VCP: variants seen among roughly 807,000 people sequenced by gnomAD.
The protein encoded by VCP is transitional endoplasmic reticulum ATPase.
A neutral mutation model predicts 85.7 loss-of-function variants in VCP; 6 were observed. The ratio of observed to expected loss-of-function variants is 0.07; its 90% CI spans 0.04 to 0.14. The LOEUF is 0.14. Among genes scored for constraint, VCP ranks in the 10% least tolerant of loss-of-function variants. The pLI is 1.00. For synonymous variants in VCP, 384 were observed against 367.1 expected, an observed-to-expected ratio of 1.05 and a Z score of -0.53; for missense variants, 353 against 1,043.4, an observed-to-expected ratio of 0.34 and a Z score of 9.12.
intron 1 of VCP, among the ~76,000 whole-genome samples, chr9:35,069,688 G>A (rs546756719): frequency 6.6e-6 from 1 of 152,196 alleles, no homozygotes; most frequent in African/African-American, 2.4e-5. Context: ...CTGACCTCAG[G>A]TGATCTGCCC....
chr9:35,060,280 A>C (rs867830225), intron 13 of VCP, 33 bp downstream of exon 13: 1 of 1,610,604 alleles, frequency 6.2e-7, no homozygotes, highest in South Asian at 1.1e-5. Flanking sequence ...CCCTCAGGCA[A>C]ATCAATACAT....
Position 35,060,643 on chromosome 9 carries a change from C to T in VCP, c.1483-118G>A, listed in dbSNP as rs536728418. On this transcript the variant is annotated intron_variant, in intron 12 of 16. Transcript: ENST00000358901. ...TACCCAATGGTATCAGATCCAGGTT[C>T]TCTAGAAGAAGACTCCTTAGTGCCT... 15 of 1,521,796 alleles carry T rather than the reference C, an allele frequency of 9.9e-6. 1 individual carries two copies. The East Asian group carries it at 2.5e-4, about 25-fold the overall frequency. The allele number at this position is 1,521,796 out of a possible 1,614,324, so 94.3% of individuals were successfully genotyped here. A position where few individuals can be genotyped will look rare whatever the true frequency, so the allele number is the denominator to read the frequency against.
intron 1 of VCP, chr9:35,071,907 C>G (rs1828955866): frequency 2.0e-6 from 2 of 1,002,894 alleles, no homozygotes; most frequent in South Asian, 4.1e-5. Context: ...CGGCTGGGGC[C>G]TCGGGCTCGC....
intron 1 of VCP, chr9:35,071,808 C>G: frequency 1.0e-6 from 1 of 989,792 alleles, no homozygotes; most frequent in Non-Finnish European, 1.2e-6. Context: ...CTTCCCTGAG[C>G]TCGGCGGGCC....
intron 4 of VCP, among the ~76,000 whole-genome samples, chr9:35,065,694 A>C (rs1828815062): frequency 6.6e-6 from 1 of 152,100 alleles, no homozygotes; most frequent in Admixed American, 6.6e-5. Flanking sequence ...AGAACTGTGC[A>C]CTCTGGACCC....
At chr9:35,061,312 C>A (rs1480128024) in intron 10 of VCP, 133 bp from the exon 11 acceptor site, 1 of 1,261,214 alleles carries the variant, frequency 7.9e-7, no homozygotes, top group African/African-American at 1.5e-5. Flanking sequence ...CTATCAATAC[C>A]TTTATGGGCT....
chr9:35,072,453 G>T lies in VCP; in HGVS notation c.-100C>A. 7.4e-7 allele frequency: 1 copy of T among 1,352,836 alleles called. No individual in the cohort carries two copies. The highest frequency in any genetic ancestry group is 9.5e-7 in the Non-Finnish European group (1 of 1,048,556). 83.8% of individuals were successfully genotyped at this position (1,352,836 alleles called of 1,614,324 possible). A position where few individuals can be genotyped will look rare whatever the true frequency, so the allele number is the denominator to read the frequency against. On this transcript the variant is annotated 5_prime_UTR_variant, in exon 1 of 17. Transcript: ENST00000358901. ...GGGCCGGGGCTCGGCTCTTCCAGGCGGTGGGCGAGCAGCGGCGACAAACCC... is the reference window on the plus strand; with the variant it reads ...GGGCCGGGGCTCGGCTCTTCCAGGCTGTGGGCGAGCAGCGGCGACAAACCC...
intron 15 of VCP, among the ~76,000 whole-genome samples, chr9:35,058,793 A>T (rs568166937): frequency 9.7e-6 from 1 of 102,648 alleles, no homozygotes; most frequent in East Asian, 2.3e-4. Context: ...ACAAAAAACA[A>T]AAAAAACCTT....
chr9:35,066,413 G>A (rs569660297), intron 4 of VCP, among the ~76,000 whole-genome samples: 2 of 151,458 alleles, frequency 1.3e-5, no homozygotes, highest in Admixed American at 6.6e-5. Context: ...AGGTGCCCAC[G>A]ATGGGGTTTC....
chr9:35,059,486 C>T lies in VCP; in HGVS notation c.2004+7G>A, dbSNP rs1296357671. The stretch of plus-strand genomic sequence containing the variant: ...AAGTCTCCCACAGCCCATGATCTTG[C>T]ACCTGCCTTGGCAACTGGGGACTTG... On this transcript the variant is annotated splice_region_variant and intron_variant, in intron 14 of 16. Coordinates refer to ENST00000358901, the MANE Select transcript of VCP (RefSeq NM_007126.5). This position sits in a 1 kb window ranked among gnomAD's most constrained non-coding sequence, Gnocchi z 4.9. The T allele has an allele frequency of 6.2e-7, 1 of 1,613,752 alleles. No homozygotes were observed. The highest frequency in any genetic ancestry group is 8.5e-7 in the Non-Finnish European group (1 of 1,180,036).
chr9:35,060,956 T>C (rs1176129022), intron 11 of VCP, 33 bp from the exon 12 acceptor site: 3 of 1,614,072 alleles, frequency 1.9e-6, no homozygotes, highest in Non-Finnish European at 2.5e-6. Context: ...GGATGAGACT[T>C]ATCAAGGGAG....
At chr9:35,058,679 A>G (rs1828659800) in intron 15 of VCP, among the ~76,000 whole-genome samples, 1 of 152,212 alleles carries the variant, frequency 6.6e-6, no homozygotes, top group Non-Finnish European at 1.5e-5. Context: ...AGGCAGGAGA[A>G]TCGCTTGAAC....
chr9:35,065,392 A>G lies in VCP; in HGVS notation c.446-11T>C, dbSNP rs746343398. ...CAAGAAAAATGTCTCCTGCGAGAGC[A>G]AACAGTACAAGCACAGTTAGAGGTG... On this transcript the variant is annotated splice_polypyrimidine_tract_variant and intron_variant, in intron 4 of 16. Coordinates refer to ENST00000358901, the MANE Select transcript of VCP (RefSeq NM_007126.5). 2 of 1,614,054 alleles carry G rather than the reference A, an allele frequency of 1.2e-6. No homozygotes were observed. The highest frequency in any genetic ancestry group is 1.7e-5 in the Admixed American group (1 of 60,002).
chr9:35,068,943 G>A (rs1211576302), intron 1 of VCP, among the ~76,000 whole-genome samples: 1 of 152,198 alleles, frequency 6.6e-6, no homozygotes, highest in Admixed American at 6.5e-5. Flanking sequence ...ATGATTAACA[G>A]TATAGAGTAA....
chr9:35,061,087 G>A lies in VCP; in HGVS notation c.1287C>T (p.Leu429=). 1 of 1,614,164 alleles carries A rather than the reference G, an allele frequency of 6.2e-7. No individual in the cohort carries two copies. The highest frequency in any genetic ancestry group is 8.5e-7 in the Non-Finnish European group (1 of 1,180,030). ...ALQAIRKKMD[L]IDLEDETIDA... ...CAATGGTCTCATCCTCTAGGTCAAT[G>A]AGATCCATCTTCTTGCGGATGGCTT... The change falls in exon 11 of 17, where the codon CTC becomes CTT. Residue 429 remains leucine, a synonymous_variant. Coordinates refer to ENST00000358901, the MANE Select transcript of VCP (RefSeq NM_007126.5).
intron 12 of VCP, 128 bp downstream of exon 12, chr9:35,060,673 C>CT: frequency 1.3e-6 from 2 of 1,573,624 alleles, no homozygotes; most frequent in Non-Finnish European, 1.7e-6. Flanking sequence ...GTGCCTCAAA[C>CT]CTAAGAACAG....
In VCP at chr9:35,057,132, A is replaced by G. The variant is rs145508640; in HGVS notation, c.2406T>C (p.Asp802=). ...GGSVYTEDND[D]DLYG is the part of the protein sequence containing the mutation. Reference sequence around the variant, plus strand: ...CCACCACCACTTAGCCATACAGGTCATCATCATTGTCTTCTGTGTATACAC... The same window carrying G: ...CCACCACCACTTAGCCATACAGGTCGTCATCATTGTCTTCTGTGTATACAC... Residue 802 remains aspartate (D), a synonymous_variant, in exon 17 of 17, where the codon GAT becomes GAC. Coordinates refer to ENST00000358901, the MANE Select transcript of VCP (RefSeq NM_007126.5). 649 of 1,614,154 alleles carry G rather than the reference A, an allele frequency of 4.0e-4. 2 individuals are homozygous for G. Among genetic ancestry groups the G allele is most frequent in the Non-Finnish European group, 5.0e-4 (593 of 1,180,020 alleles).
Position 35,072,320 on chromosome 9 carries a change from G to A in VCP, c.17+17C>T, listed in dbSNP as rs1828974267. 3 of 1,484,296 alleles carry A rather than the reference G, an allele frequency of 2.0e-6. No individual in the cohort carries two copies. The highest frequency in any genetic ancestry group is 2.7e-6 in the Non-Finnish European group (3 of 1,125,444). 91.9% of individuals were successfully genotyped at this position (1,484,296 alleles called of 1,614,324 possible). A position where few individuals can be genotyped will look rare whatever the true frequency, so the allele number is the denominator to read the frequency against. On this transcript the variant is annotated intron_variant, in intron 1 of 16. Coordinates refer to ENST00000358901, the MANE Select transcript of VCP (RefSeq NM_007126.5). Reference sequence around the variant, plus strand: ...GTGCGCGCCGCCGCAGCAAGCGAACGGCGCGCGCACACTCACTCGGCTCCA... The same window carrying A: ...GTGCGCGCCGCCGCAGCAAGCGAACAGCGCGCGCACACTCACTCGGCTCCA...
Position 35,061,001 on chromosome 9 carries a change from G to A in VCP, c.1359+14C>T. On this transcript the variant is annotated intron_variant, in intron 11 of 16. Coordinates refer to ENST00000358901, the MANE Select transcript of VCP (RefSeq NM_007126.5). ...CACGTATGTGTGTACCTGAGGCACG[G>A]GTGTGGTCCTTACCCGGAAGTCATC... 1 of 1,614,120 alleles carries A rather than the reference G, an allele frequency of 6.2e-7. No homozygotes were observed. The highest frequency in any genetic ancestry group is 2.2e-5 in the East Asian group (1 of 44,878).
Sources: allele counts gnomAD v4.1 joint callset (sites outside exome capture counted in the v4.1 genomes callset), GRCh38; gene constraint gnomAD v4.1.1; non-coding constraint Gnocchi (gnomAD v3.1); transcripts MANE v1.5; gene names NCBI Gene and HGNC (gene_info 2026-07-23, HGNC 2026-07-21).